Variants in GPATCH2L observed in about 807,000 individuals in gnomAD.
GPATCH2L encodes the protein G patch domain-containing protein 2-like.
In GPATCH2L, 31 loss-of-function variants were observed where a neutral mutation model predicts 57.4. The observed-to-expected ratio is 0.54, with a 90% confidence interval of 0.41 to 0.73. The LOEUF (loss-of-function observed/expected upper bound fraction) is 0.73. GPATCH2L is among the 30% of genes least tolerant of loss of function. The pLI is 0.00. For synonymous variants in GPATCH2L, 199 were observed against 210.7 expected (o/e 0.94, Z 0.48); for missense variants, 481 against 599.9 (o/e 0.80, Z 2.07).
At chr14:76,216,006 G>T (rs1167428625), downstream of GPATCH2L, among the ~76,000 whole-genome samples, 2 of 152,116 alleles carry the variant, frequency 1.3e-5, no homozygotes, top group African/African-American at 4.8e-5. Context: ...TTGAAGATCA[G>T]GGTAAGCCCT....
chr14:76,184,445 C>T (rs1001184435), intron 8 of GPATCH2L, among the ~76,000 whole-genome samples: 1 of 150,820 alleles, frequency 6.6e-6, no homozygotes, highest in Non-Finnish European at 1.5e-5. Flanking sequence ...GGCTTTTCAA[C>T]AGTTTCCTCC....
At position 76,205,798 on chromosome 14, in the gene GPATCH2L, C is replaced by T. The variant is rs139212001; in HGVS notation, c.*3947C>T. 2.0e-5 allele frequency: 3 copies of T among 152,378 alleles called. No homozygotes were observed. Among genetic ancestry groups the T allele is most frequent in the Non-Finnish European group, 2.9e-5 (2 of 68,074 alleles). The allele number at this position is 152,378 out of a possible 1,614,324, so 9.4% of individuals were successfully genotyped here. A position where few individuals can be genotyped will look rare whatever the true frequency, so the allele number is the denominator to read the frequency against. On this transcript the variant is annotated 3_prime_UTR_variant, in exon 10 of 10. Coordinates refer to ENST00000261530, the MANE Select transcript of GPATCH2L (RefSeq NM_017926.4). ...ATGGGTTCTCCACTTTGGCTCCAGG[C>T]GAAGGCTCCTGGTGGTGATGCATGA... is the stretch of plus-strand genomic sequence containing the variant.
chr14:76,171,254 G>A (rs2039066955), intron 3 of GPATCH2L, among the ~76,000 whole-genome samples: 1 of 150,690 alleles, frequency 6.6e-6, no homozygotes, highest in Non-Finnish European at 1.5e-5. Flanking sequence ...GCAACATAAG[G>A]AGACCCAGTT....
At chr14:76,171,591 T>TA (rs891273563) in intron 3 of GPATCH2L, among the ~76,000 whole-genome samples, 13 of 147,844 alleles carry the variant, frequency 8.8e-5, no homozygotes, top group African/African-American at 3.3e-4. Flanking sequence ...CCCAAAAAAA[T>TA]AAAAAAATAG....
rs947384416 is a variant in GPATCH2L at position 76,178,322 on chromosome 14, G to A, written c.1107+280G>A. 2.0e-5 allele frequency: 25 copies of A among 1,258,228 alleles called. 1 individual carries two copies. Among genetic ancestry groups the A allele is most frequent in the Admixed American group, 2.4e-5 (1 of 42,410 alleles). 77.9% of individuals were successfully genotyped at this position (1,258,228 alleles called of 1,614,324 possible). A position where few individuals can be genotyped will look rare whatever the true frequency, so the allele number is the denominator to read the frequency against. On this transcript the variant is annotated intron_variant, in intron 7 of 9. Coordinates refer to ENST00000261530, the MANE Select transcript of GPATCH2L (RefSeq NM_017926.4). ...TGAAGCCTAAACGTATGGAGCAGAA[G>A]GTAGAGCTGCTTTGGGTGAAGTGGG...
chr14:76,206,512 A>C lies in GPATCH2L; in HGVS notation c.*4661A>C, dbSNP rs2040377436. 6.6e-6 allele frequency: 1 copy of C among 152,220 alleles called. No individual in the cohort carries two copies. Among genetic ancestry groups the C allele is most frequent in the South Asian group, 2.1e-4 (1 of 4,838 alleles). 9.4% of individuals were successfully genotyped at this position (152,220 alleles called of 1,614,324 possible). A position where few individuals can be genotyped will look rare whatever the true frequency, so the allele number is the denominator to read the frequency against. ...AAATTGCCAGATTTAGGGAATAAAAAATTTTTAAAGTACAGTGTTGAAGAA... is the reference window on the plus strand; with the variant it reads ...AAATTGCCAGATTTAGGGAATAAAACATTTTTAAAGTACAGTGTTGAAGAA... On this transcript the variant is annotated 3_prime_UTR_variant, in exon 10 of 10. Transcript: ENST00000261530.
At chr14:76,169,460 A>G (rs189049677) in intron 3 of GPATCH2L, among the ~76,000 whole-genome samples, 46 of 152,288 alleles carry the variant, frequency 3.0e-4, no homozygotes, top group Admixed American at 1.6e-3. Flanking sequence ...AACTAAGCCT[A>G]TTTGGTTTAA....
At chr14:76,227,487 T>C (rs1316191443) in intron 1 of GPATCH2L, among the ~76,000 whole-genome samples, 1 of 152,174 alleles carries the variant, frequency 6.6e-6, no homozygotes, top group South Asian at 2.1e-4. Flanking sequence ...AAGTATGAAG[T>C]TGATTCCTTG....
In GPATCH2L at chr14:76,205,872, G is replaced by A. The variant is rs2040369840; in HGVS notation, c.*4021G>A. ...TTTGGCTTCATTACTGTGATTCTGA[G>A]CCACACAGGTTTTTCCCCCTGGGGA... On this transcript the variant is annotated 3_prime_UTR_variant, in exon 10 of 10. Transcript: ENST00000261530. 1 of 152,314 alleles carries A rather than the reference G, an allele frequency of 6.6e-6. No individual in the cohort carries two copies. The highest frequency in any genetic ancestry group is 2.1e-4 in the South Asian group (1 of 4,830). 9.4% of individuals were successfully genotyped at this position (152,314 alleles called of 1,614,324 possible).
intron 7 of GPATCH2L, among the ~76,000 whole-genome samples, 194 bp from the exon 8 acceptor site, chr14:76,180,570 G>A (rs1215693769): frequency 3.3e-5 from 5 of 151,382 alleles, no homozygotes; most frequent in Admixed American, 1.3e-4. Flanking sequence ...TTTTTTTTCC[G>A]AGGTGTGCTA....
chr14:76,221,609 C>T (rs111769400), intron 1 of GPATCH2L, among the ~76,000 whole-genome samples: 1 of 152,126 alleles, frequency 6.6e-6, no homozygotes, highest in Non-Finnish European at 1.5e-5. Flanking sequence ...AATGGATAAA[C>T]AATCTGGTAC....
chr14:76,213,564 C>T lies in GPATCH2L; in HGVS notation c.*11713C>T, dbSNP rs1342309742. On this transcript the variant is annotated 3_prime_UTR_variant, in exon 10 of 10. Transcript: ENST00000261530. ...TTATAGAATCCAAGCAAAAGCTCAC[C>T]AGCCAGAGATAAAGTGAGGCCAGCT... The T allele has an allele frequency of 1.3e-5, 2 of 152,054 alleles. No homozygotes were observed. The highest frequency in any genetic ancestry group is 2.9e-5 in the Non-Finnish European group (2 of 68,008). The allele number at this position is 152,054 out of a possible 1,614,324, so 9.4% of individuals were successfully genotyped here.
In GPATCH2L at chr14:76,151,955, A is replaced by C; in HGVS notation, c.-47A>C. 6.5e-6 allele frequency: 1 copy of C among 154,776 alleles called. No homozygotes were observed. The highest frequency in any genetic ancestry group is 1.4e-5 in the Non-Finnish European group (1 of 70,064). The allele number at this position is 154,776 out of a possible 1,614,324, so 9.6% of individuals were successfully genotyped here. On this transcript the variant is annotated 5_prime_UTR_variant, in exon 1 of 10. Coordinates refer to ENST00000261530, the MANE Select transcript of GPATCH2L (RefSeq NM_017926.4). ...AAGCCCCGGCGGTGAGAGTCGGCCC[A>C]AAAAGCGGCGGCCGTTGGAGGTGGC...
chr14:76,173,977 G>A (rs913129296), intron 5 of GPATCH2L: 2 of 302,444 alleles, frequency 6.6e-6, no homozygotes, highest in Admixed American at 1.0e-4. Context: ...GACTCCTCTT[G>A]AATTCATGAA....
chr14:76,227,967 AC>A (rs1205683722), intron 1 of GPATCH2L, among the ~76,000 whole-genome samples: 2 of 152,112 alleles, frequency 1.3e-5, no homozygotes, highest in Non-Finnish European at 2.9e-5. Context: ...AAAACCATCT[AC>A]TCACTTCTCC....
chr14:76,214,298 A>C lies in GPATCH2L; in HGVS notation c.*12447A>C, dbSNP rs1467259266. 6.6e-6 allele frequency: 1 copy of C among 152,090 alleles called. No individual in the cohort carries two copies. The highest frequency in any genetic ancestry group is 1.5e-5 in the Non-Finnish European group (1 of 68,004). 9.4% of individuals were successfully genotyped at this position (152,090 alleles called of 1,614,324 possible). A position where few individuals can be genotyped will look rare whatever the true frequency, so the allele number is the denominator to read the frequency against. ...AATTATCCTTGTGTAGGTTTTGTGC[A>C]TTTCTTGCTAAGCTTATCCCTAAGT... On this transcript the variant is annotated 3_prime_UTR_variant, in exon 10 of 10. Transcript: ENST00000261530.
chr14:76,167,707 A>G (rs1254034768), intron 3 of GPATCH2L, among the ~76,000 whole-genome samples: 2 of 152,114 alleles, frequency 1.3e-5, no homozygotes, highest in African/African-American at 2.4e-5. Context: ...GTACATTTCT[A>G]TCTTTTAGAT....
At chr14:76,201,588 A>C in intron 9 of GPATCH2L, 103 bp from the exon 10 acceptor site, 2 of 806,420 alleles carry the variant, frequency 2.5e-6, no homozygotes, top group Non-Finnish European at 3.7e-6. Flanking sequence ...ATGAAGTATA[A>C]GGATTAAGAA....
Position 76,171,880 on chromosome 14 carries a change from A to T in GPATCH2L, c.765A>T (p.Glu255Asp). Residue 255 changes from glutamate to aspartate, a missense_variant, in exon 4 of 10, where the codon GAA becomes GAT. Glu to Asp is a conservative substitution (Grantham distance 45). Coordinates refer to ENST00000261530, the MANE Select transcript of GPATCH2L (RefSeq NM_017926.4). ...AGAGTGATTGGTTCTATGAAGGAGA[A>T]TGTGTCCCAGGATTCACTGTCCCTA... ...DEQSDWFYEGECVPGFTVPNL... is the reference protein window; with the variant it reads ...DEQSDWFYEGDCVPGFTVPNL... 6.2e-7 allele frequency: 1 copy of T among 1,605,772 alleles called. No homozygotes were observed. Among genetic ancestry groups the T allele is most frequent in the South Asian group, 1.1e-5 (1 of 89,724 alleles).
Sources: allele counts gnomAD v4.1 joint callset (sites outside exome capture counted in the v4.1 genomes callset), GRCh38; gene constraint gnomAD v4.1.1; transcripts MANE v1.5; gene names NCBI Gene and HGNC (gene_info 2026-07-23, HGNC 2026-07-21).